The following FCN1 variants were observed in gnomAD, a reference collection of about 807,000 sequenced individuals.
FCN1 encodes ficolin-1.
In FCN1, 42 loss-of-function variants were observed where a neutral mutation model predicts 35.6. The ratio of observed to expected loss-of-function variants is 1.18; its 90% CI spans 0.92 to 1.53. FCN1 has a LOEUF of 1.53. Ranked by LOEUF, FCN1 falls within the 40% of genes most tolerant of loss-of-function variation. The pLI is 0.00. For missense variants in FCN1, 439 were observed against 428.4 expected, an observed-to-expected ratio of 1.02 and a Z score of -0.22; for synonymous variants, 179 against 169.8, an observed-to-expected ratio of 1.05 and a Z score of -0.42.
chr9:134,906,571 C>T lies in FCN1; in HGVS notation c.*3227G>A, dbSNP rs1372554786. ...AATCTTAAGAAATCTAATAATTTAA[C>T]TTAGAAATGCAATGAGCTCAAAGTC... On this transcript the variant is annotated 3_prime_UTR_variant, in exon 9 of 9. Coordinates refer to ENST00000371806, the MANE Select transcript of FCN1 (RefSeq NM_002003.5). The T allele has an allele frequency of 1.3e-5, 2 of 152,154 alleles. No individual in the cohort carries two copies. Among genetic ancestry groups the T allele is most frequent in the Admixed American group, 6.5e-5 (1 of 15,290 alleles). 9.4% of individuals were successfully genotyped at this position (152,154 alleles called of 1,614,324 possible). A position where few individuals can be genotyped will look rare whatever the true frequency, so the allele number is the denominator to read the frequency against.
rs200053918 is a variant in FCN1 at position 134,913,592 on chromosome 9, G to A, written c.329C>T (p.Ser110Leu). ...GEKGDAGQSQ[S>L]CATGPRNCKD... ...GTGTGATCAGTCACCTGTCGCACAC[G>A]ACTGAGACTGCCCAGCGTCTCCTGT... The change falls in exon 5 of 9, where the codon TCG becomes TTG. Residue 110 changes from serine to leucine, a missense_variant. Ser to Leu is a moderately radical substitution (Grantham distance 145). Transcript: ENST00000371806. The A allele has an allele frequency of 8.1e-6, 13 of 1,607,334 alleles. No homozygotes were observed. Among genetic ancestry groups the A allele is most frequent in the South Asian group, 6.6e-5 (6 of 90,232 alleles).
At chr9:134,917,259 T>A (rs1165317668) in intron 1 of FCN1, among the ~76,000 whole-genome samples, 1 of 152,132 alleles carries the variant, frequency 6.6e-6, no homozygotes, top group Non-Finnish European at 1.5e-5. Context: ...TTAGGAGCAG[T>A]CTCTTGCTGA....
chr9:134,917,321 G>A (rs954349861), intron 1 of FCN1, among the ~76,000 whole-genome samples: 2 of 152,192 alleles, frequency 1.3e-5, no homozygotes, highest in African/African-American at 2.4e-5. Context: ...CCTTACCACC[G>A]TTCAAACCCT....
chr9:134,911,294 A>G lies in FCN1; in HGVS notation c.599-27T>C. On this transcript the variant is annotated intron_variant, in intron 7 of 8. Transcript: ENST00000371806. ...TGTTGGAAAAAGATTTTAAGGCCCC[A>G]GCCTTTAAGATCTTTCTGTCACCAG... is the stretch of plus-strand genomic sequence containing the variant. 3 of 1,609,916 alleles carry G rather than the reference A, an allele frequency of 1.9e-6. No homozygotes were observed. In the South Asian group the frequency reaches 3.3e-5, roughly 18 times the overall value.
chr9:134,914,249 G>A, intron 4 of FCN1, 136 bp downstream of exon 4: 1 of 805,682 alleles, frequency 1.2e-6, no homozygotes, highest in Non-Finnish European at 2.2e-6. Context: ...AAGCCCGCTG[G>A]ACTCCTTCCA....
Position 134,912,473 on chromosome 9 carries a change from G to A in FCN1, c.598+13C>T, listed in dbSNP as rs765758485. 5.6e-6 allele frequency: 9 copies of A among 1,612,506 alleles called. No homozygotes were observed. The highest frequency in any genetic ancestry group is 7.6e-6 in the Non-Finnish European group (9 of 1,179,240). On this transcript the variant is annotated intron_variant, in intron 7 of 8. Transcript: ENST00000371806. ...AGGGCCCCCCAACCCCTGAGCCACGGCAGTGGCCCTACCCTGGGCAGTCAG... is the reference window on the plus strand; with the variant it reads ...AGGGCCCCCCAACCCCTGAGCCACGACAGTGGCCCTACCCTGGGCAGTCAG...
Position 134,913,114 on chromosome 9 carries a change from G to A in FCN1, c.370C>T (p.Arg124Trp), listed in dbSNP as rs768822524. 1.2e-5 allele frequency: 20 copies of A among 1,613,752 alleles called. No homozygotes were observed. The highest frequency in any genetic ancestry group is 3.3e-5 in the Admixed American group (2 of 59,936). ...TGCCAGCCGCTCAGGAAATACCCCC[G>A]GTCTAGCAGGTCCTTGCAGTTGCGT... ...GPRNCKDLLD[R>W]GYFLSGWHTI... is the part of the protein sequence containing the mutation. The change falls in exon 6 of 9, where the codon CGG (arginine) becomes TGG (tryptophan). Residue 124 changes from arginine (R) to tryptophan (W), a missense_variant. Coordinates refer to ENST00000371806, the MANE Select transcript of FCN1 (RefSeq NM_002003.5).
chr9:134,912,305 T>A (rs1831032785), intron 7 of FCN1, among the ~76,000 whole-genome samples, 181 bp downstream of exon 7: 1 of 152,136 alleles, frequency 6.6e-6, no homozygotes, highest in Admixed American at 6.5e-5. Flanking sequence ...CCGTTTCCCT[T>A]CCCGATGTTG....
intron 6 of FCN1, 136 bp downstream of exon 6, chr9:134,912,880 C>CG: frequency 7.0e-7 from 1 of 1,425,474 alleles, no homozygotes; most frequent in Admixed American, 2.1e-5. Flanking sequence ...CTTTTACCCA[C>CG]GGGTCACTTC....
intron 3 of FCN1, 79 bp downstream of exon 3, chr9:134,914,677 G>A: frequency 9.5e-7 from 1 of 1,053,864 alleles, no homozygotes; most frequent in Admixed American, 2.1e-5. Context: ...CTCTGTCTCT[G>A]TCTCTCCCTC....
intron 1 of FCN1, among the ~76,000 whole-genome samples, chr9:134,917,467 A>T (rs1199172163): frequency 2.0e-5 from 3 of 152,192 alleles, no homozygotes; most frequent in African/African-American, 4.8e-5. Context: ...GTAAGAAGAT[A>T]AAGTCAACAG....
intron 1 of FCN1, among the ~76,000 whole-genome samples, 190 bp downstream of exon 1, chr9:134,917,579 C>T (rs1831106790): frequency 6.6e-6 from 1 of 152,340 alleles, no homozygotes; most frequent in African/African-American, 2.4e-5. Flanking sequence ...CATCCCTCCC[C>T]TATCCCTCCA....
chr9:134,916,984 T>C (rs547787617), intron 1 of FCN1, among the ~76,000 whole-genome samples: 45 of 152,302 alleles, frequency 3.0e-4, no homozygotes, highest in African/African-American at 1.1e-3. Context: ...CAGAGCCAGG[T>C]GTGGCACAGC....
chr9:134,915,783 C>T (rs769105548), intron 2 of FCN1, among the ~76,000 whole-genome samples: 3 of 152,198 alleles, frequency 2.0e-5, no homozygotes, highest in Non-Finnish European at 4.4e-5. Flanking sequence ...TTATGCCATG[C>T]TTAGGGGGAC....
chr9:134,915,472 C>A (rs1831081037), intron 2 of FCN1, among the ~76,000 whole-genome samples: 1 of 152,120 alleles, frequency 6.6e-6, no homozygotes. Flanking sequence ...GAAGTCTGAG[C>A]CAGACTTGAT....
At position 134,916,880 on chromosome 9, in the gene FCN1, C is replaced by T. The variant is rs185904034; in HGVS notation, c.104-419G>A. Among the ~76,000 whole-genome samples the T allele has an allele frequency of 3.3e-3, 509 of 152,328 alleles. 2 individuals are homozygous for T. Among genetic ancestry groups the T allele is most frequent in the African/African-American group, 0.012 (491 of 41,564 alleles). ...GGAATTGGGGCTGACAAAGCATTTT[C>T]CCTCCCAGACCTTGGGAATGTGGTT... is the stretch of plus-strand genomic sequence containing the variant. On this transcript the variant is annotated intron_variant, in intron 1 of 8. Transcript: ENST00000371806.
rs1831070522 is a variant in FCN1 at position 134,914,740 on chromosome 9, T to G, written c.271+16A>C. ...GTCCCTGCTCAAGGCCTCCTCGCTG[T>G]CTGTCCCCTGGTTACCTTTGGGCCC... On this transcript the variant is annotated intron_variant, in intron 3 of 8. Coordinates refer to ENST00000371806, the MANE Select transcript of FCN1 (RefSeq NM_002003.5). 1 of 1,605,224 alleles carries G rather than the reference T, an allele frequency of 6.2e-7. No homozygotes were observed. Among genetic ancestry groups the G allele is most frequent in the Non-Finnish European group, 8.5e-7 (1 of 1,173,540 alleles).
rs150429548 is a variant in FCN1 at position 134,908,571 on chromosome 9, T to C, written c.*1227A>G. 1,077 of 153,462 alleles carry C rather than the reference T, an allele frequency of 7.0e-3. 4 individuals carry two copies. Among genetic ancestry groups the C allele is most frequent in the Non-Finnish European group, 0.011 (761 of 69,086 alleles). The allele number at this position is 153,462 out of a possible 1,614,324, so 9.5% of individuals were successfully genotyped here. ...TCTCAGGAGTGGAGACCCTGTCCCA[T>C]GGGGCTTGGGGGGAGAGGGGACAAC... On this transcript the variant is annotated 3_prime_UTR_variant, in exon 9 of 9. Transcript: ENST00000371806.
rs1033129208 is a variant in FCN1 at position 134,903,903 on chromosome 9, C to G, written c.*5895G>C. Among the ~76,000 whole-genome samples, 5 of 152,040 alleles carry G rather than the reference C, an allele frequency of 3.3e-5. No individual in the cohort carries two copies. The highest frequency in any genetic ancestry group is 1.2e-4 in the African/African-American group (5 of 41,398). On this transcript the variant is annotated 3_prime_UTR_variant, in exon 9 of 9. Coordinates refer to ENST00000371806, the MANE Select transcript of FCN1 (RefSeq NM_002003.5). ...CAATCAATGGTTTTCTATTTATAAGCAAATTAGATACAGTGAAAAGCATTA... is the reference window on the plus strand; with the variant it reads ...CAATCAATGGTTTTCTATTTATAAGGAAATTAGATACAGTGAAAAGCATTA...
Sources: allele counts gnomAD v4.1 joint callset (sites outside exome capture counted in the v4.1 genomes callset), GRCh38; gene constraint gnomAD v4.1.1; transcripts MANE v1.5; gene names NCBI Gene and HGNC (gene_info 2026-07-23, HGNC 2026-07-21).